The following SIAH1 variants were observed in gnomAD, a reference collection of about 807,000 sequenced individuals.
The protein encoded by SIAH1 is siah E3 ubiquitin protein ligase 1.
A neutral mutation model predicts 20.0 loss-of-function variants in SIAH1; 2 were observed. The observed-to-expected ratio is 0.10, with a 90% confidence interval of 0.04 to 0.31. The LOEUF is 0.31. Ranked by LOEUF, SIAH1 falls within the 10% of genes least tolerant of loss-of-function variation. The probability of loss-of-function intolerance (pLI) is 1.00; values close to 1 mark genes in which losing one functional copy is unlikely to be tolerated. For missense variants in SIAH1, 119 were observed against 355.3 expected (o/e 0.33, Z 5.35); for synonymous variants, 118 against 125.3 (o/e 0.94, Z 0.39).
At chr16:48,383,390 A>G (rs1253576864) in intron 1 of SIAH1, among the ~76,000 whole-genome samples, 1 of 152,214 alleles carries the variant, frequency 6.6e-6, no homozygotes, top group African/African-American at 2.4e-5. Context: ...CTACCAGTCT[A>G]AAGTCCTCCT....
chr16:48,381,039 T>TG (rs1961274954), intron 1 of SIAH1, among the ~76,000 whole-genome samples: 1 of 148,310 alleles, frequency 6.7e-6, no homozygotes, highest in African/African-American at 2.5e-5. Flanking sequence ...GAATGCAAAA[T>TG]GGTACAGCCA....
At chr16:48,365,409 C>A (rs1395249556) in intron 1 of SIAH1, 2 of 1,613,956 alleles carry the variant, frequency 1.2e-6, no homozygotes, top group African/African-American at 1.3e-5. Context: ...TTGTCCTGGC[C>A]GCTGGTAAAC....
chr16:48,372,526 T>C, intron 1 of SIAH1, among the ~76,000 whole-genome samples: 1 of 152,222 alleles, frequency 6.6e-6, no homozygotes, highest in East Asian at 1.9e-4. Flanking sequence ...AGCCATGTAA[T>C]TAAATGCCTC....
At chr16:48,376,909 G>A (rs1180096168) in intron 1 of SIAH1, among the ~76,000 whole-genome samples, 2 of 152,170 alleles carry the variant, frequency 1.3e-5, no homozygotes, top group African/African-American at 4.8e-5. Flanking sequence ...AGGAAACCAG[G>A]AAGAAGTTTT....
chr16:48,385,055 C>G (rs1157865620), intron 1 of SIAH1, 149 bp downstream of exon 1: 6 of 150,090 alleles, frequency 4.0e-5, no homozygotes, highest in African/African-American at 1.5e-4. Flanking sequence ...CGGCCCGACT[C>G]CGGCCGAGAC....
chr16:48,385,202 A>G lies in SIAH1; in HGVS notation c.-3+2T>C. 1 of 320,498 alleles carries G rather than the reference A, an allele frequency of 3.1e-6. No homozygotes were observed. The highest frequency in any genetic ancestry group is 6.6e-6 in the Non-Finnish European group (1 of 151,756). 19.9% of individuals were successfully genotyped at this position (320,498 alleles called of 1,614,324 possible). A position where few individuals can be genotyped will look rare whatever the true frequency, so the allele number is the denominator to read the frequency against. Reference sequence around the variant, plus strand: ...TCCTCCCTCAGGCCGGGCCCCACTTACCTGTGGGCGGAGAGCGCGCCTCGG... The same window carrying G: ...TCCTCCCTCAGGCCGGGCCCCACTTGCCTGTGGGCGGAGAGCGCGCCTCGG... On this transcript the variant is annotated splice_donor_variant, in intron 1 of 1. Transcript: ENST00000394725. LOFTEE classifies it low-confidence loss of function (5UTR_SPLICE).
chr16:48,361,519 T>A lies in SIAH1; in HGVS notation c.*61A>T, dbSNP rs1960593660. The stretch of plus-strand genomic sequence containing the variant: ...AGTTTTAGGTTGGCAGACAGATGGG[T>A]GCCTTATTTTCTGTGAAACTGAAGT... On this transcript the variant is annotated 3_prime_UTR_variant, in exon 2 of 2. Coordinates refer to ENST00000394725, the MANE Select transcript of SIAH1 (RefSeq NM_003031.4). 9.0e-6 allele frequency: 14 copies of A among 1,555,306 alleles called. No homozygotes were observed. The East Asian group carries it at 3.2e-4, about 35-fold the overall frequency.
chr16:48,377,687 C>T (rs952051023), intron 1 of SIAH1, among the ~76,000 whole-genome samples: 20 of 151,942 alleles, frequency 1.3e-4, no homozygotes, highest in Non-Finnish European at 2.2e-4. Context: ...TGAGCCGCCA[C>T]GCTGAGCCTC....
intron 1 of SIAH1, among the ~76,000 whole-genome samples, chr16:48,372,852 T>C (rs1352583508): frequency 6.6e-6 from 1 of 152,224 alleles, no homozygotes; most frequent in Non-Finnish European, 1.5e-5. Flanking sequence ...TCCAATATTT[T>C]AGTGAATCAG....
intron 1 of SIAH1, among the ~76,000 whole-genome samples, chr16:48,378,539 A>G (rs1961172116): frequency 6.6e-6 from 1 of 152,140 alleles, no homozygotes. Flanking sequence ...TTTTGTGAAA[A>G]TGTCAAGCTG....
rs1222219180 is a variant in SIAH1 at position 48,374,055 on chromosome 16, C to T, written c.-3+11149G>A. ...AAAATAGTAAGCGGCACCCTGCCCA[C>T]TGCCCCTCTGTGTACTCCTAAATCT... On this transcript the variant is annotated intron_variant, in intron 1 of 1. Transcript: ENST00000394725. Among the ~76,000 whole-genome samples the T allele has an allele frequency of 2.0e-5, 3 of 152,242 alleles. No homozygotes were observed. In the East Asian group the frequency reaches 5.8e-4, roughly 29 times the overall value.
At chr16:48,365,267 A>T in intron 1 of SIAH1, 1 of 1,000,228 alleles carries the variant, frequency 1.0e-6, no homozygotes, top group Non-Finnish European at 1.5e-6. Flanking sequence ...ATGAAACATG[A>T]CTGAGAACCT....
chr16:48,386,824 G>T (rs771746709), upstream of SIAH1, among the ~76,000 whole-genome samples: 14 of 152,184 alleles, frequency 9.2e-5, no homozygotes, highest in Non-Finnish European at 1.9e-4. Context: ...GCAGCTCTGG[G>T]GTGAGATGTG....
Position 48,361,391 on chromosome 16 carries a change from CTT to C in SIAH1, c.*187_*188del. 1.8e-6 allele frequency: 1 copy of C among 567,880 alleles called. No individual in the cohort carries two copies. The highest frequency in any genetic ancestry group is 2.3e-5 in the South Asian group (1 of 42,912). 35.2% of individuals were successfully genotyped at this position (567,880 alleles called of 1,614,324 possible). On this transcript the variant is annotated 3_prime_UTR_variant, in exon 2 of 2. Coordinates refer to ENST00000394725, the MANE Select transcript of SIAH1 (RefSeq NM_003031.4). ...TATTTTTTCAGTGGTTTACTGTTGACTTATTTTTAAATATATTAGTGTTACTA... is the reference window on the plus strand; with the variant it reads ...TATTTTTTCAGTGGTTTACTGTTGACATTTTTAAATATATTAGTGTTACTA...
At chr16:48,374,170 G>A (rs1961047138) in intron 1 of SIAH1, among the ~76,000 whole-genome samples, 1 of 152,142 alleles carries the variant, frequency 6.6e-6, no homozygotes, top group African/African-American at 2.4e-5. Flanking sequence ...TTTTTTATTT[G>A]TTGTTATAGG....
chr16:48,361,560 GA>G lies in SIAH1; in HGVS notation c.*19del, dbSNP rs1274352764. ...AAACTGAAGTTTTAAACACTGGCCA[GA>G]AAATGTTTGATTGCCATTTCAACAC... On this transcript the variant is annotated 3_prime_UTR_variant, in exon 2 of 2. Coordinates refer to ENST00000394725, the MANE Select transcript of SIAH1 (RefSeq NM_003031.4). 1.2e-6 allele frequency: 2 copies of G among 1,607,510 alleles called. No homozygotes were observed. Among genetic ancestry groups the G allele is most frequent in the Non-Finnish European group, 1.7e-6 (2 of 1,177,280 alleles).
Position 48,362,086 on chromosome 16 carries a change from C to T in SIAH1, c.343G>A (p.Ala115Thr). The T allele has an allele frequency of 1.2e-6, 2 of 1,614,180 alleles. No homozygotes were observed. The highest frequency in any genetic ancestry group is 2.2e-5 in the South Asian group (2 of 91,084). Residue 115 changes from alanine (A) to threonine (T), a missense_variant, in exon 2 of 2, where the codon GCA becomes ACA. Transcript: ENST00000394725. This position sits in a 1 kb window ranked among gnomAD's most constrained non-coding sequence, Gnocchi z 4.2. ...AACTCACAGAGCTCTTCATGGTCTGCTTTTTCTGTGTGTGGCAGAGTTATT... is the reference window on the plus strand; with the variant it reads ...AACTCACAGAGCTCTTCATGGTCTGTTTTTTCTGTGTGTGGCAGAGTTATT... ...CEITLPHTEK[A>T]DHEELCEFRP...
At chr16:48,377,984 G>A (rs1597031471) in intron 1 of SIAH1, among the ~76,000 whole-genome samples, 1 of 152,134 alleles carries the variant, frequency 6.6e-6, no homozygotes, top group Admixed American at 6.5e-5. Context: ...TGGTAACTTT[G>A]TCATGGATAA....
chr16:48,376,520 C>T (rs1961114138), intron 1 of SIAH1, among the ~76,000 whole-genome samples: 1 of 152,036 alleles, frequency 6.6e-6, no homozygotes, highest in Non-Finnish European at 1.5e-5. Flanking sequence ...GAGACAGAGT[C>T]TCGCTCTGTC....
Sources: allele counts gnomAD v4.1 joint callset (sites outside exome capture counted in the v4.1 genomes callset), GRCh38; gene constraint gnomAD v4.1.1; non-coding constraint Gnocchi (gnomAD v3.1); transcripts MANE v1.5; gene names NCBI Gene and HGNC (gene_info 2026-07-23, HGNC 2026-07-21).